MBD5: variants seen among roughly 807,000 people sequenced by gnomAD.
The protein encoded by MBD5 is methyl-CpG-binding domain protein 5.
A neutral mutation model predicts 117.3 loss-of-function variants in MBD5; 13 were observed. That is an observed-to-expected ratio of 0.11 (90% CI 0.07 to 0.18). MBD5 has a LOEUF of 0.18. Among genes scored for constraint, MBD5 ranks in the 10% least tolerant of loss-of-function variants. MBD5 has a pLI of 1.00. For synonymous variants in MBD5, 727 were observed against 766.4 expected, an observed-to-expected ratio of 0.95 and a Z score of 0.85; for missense variants, 1,879 against 2,093.8, an observed-to-expected ratio of 0.90 and a Z score of 2.00.
At chr2:148,085,641 A>G (rs1234412) in intron 1 of MBD5, among the ~76,000 whole-genome samples, 66,240 of 149,282 alleles carry the variant, frequency 0.44, 14,826 homozygotes, top group South Asian at 0.5. Flanking sequence ...GGAGAATGGC[A>G]TGAACCCGGG....
Position 148,490,165 on chromosome 2 carries a change from G to C in MBD5, c.4533G>C (p.Glu1511Asp). The C allele has an allele frequency of 1.2e-6, 2 of 1,614,054 alleles. No individual in the cohort carries two copies. The highest frequency in any genetic ancestry group is 1.7e-6 in the Non-Finnish European group (2 of 1,180,026). ...AAAGAACTATGATGAGTTTTAAGGA[G>C]AGACTAGAGAACACTGTGGAAAGAT... is the stretch of plus-strand genomic sequence containing the variant. Reference protein sequence around the residue: ...NYKRTMMSFKERLENTVERCA... With the variant: ...NYKRTMMSFKDRLENTVERCA... Residue 1511 changes from glutamate (E) to aspartate (D), a missense_variant, in exon 11 of 14, where the codon GAG becomes GAC. By Grantham distance (45) the Glu-to-Asp change is conservative. Transcript: ENST00000642680.
intron 1 of MBD5, among the ~76,000 whole-genome samples, chr2:148,127,658 G>A (rs1036437897): frequency 6.6e-6 from 1 of 152,120 alleles, no homozygotes; most frequent in Non-Finnish European, 1.5e-5. Context: ...TTGATTCCAT[G>A]TCTTTGCTAT....
chr2:148,342,731 A>G (rs1300220383), intron 4 of MBD5, among the ~76,000 whole-genome samples: 1 of 151,810 alleles, frequency 6.6e-6, no homozygotes, highest in Non-Finnish European at 1.5e-5. Context: ...TCTTTTACTT[A>G]GTGGTTTATT....
At chr2:148,481,232 A>G (rs1243452062) in intron 8 of MBD5, among the ~76,000 whole-genome samples, 2 of 152,212 alleles carry the variant, frequency 1.3e-5, no homozygotes, top group Admixed American at 1.3e-4. Context: ...GAGTGGTTCA[A>G]TAAATATAGT....
intron 3 of MBD5, among the ~76,000 whole-genome samples, chr2:148,282,879 C>T (rs1400311659): frequency 2.0e-5 from 3 of 146,658 alleles, no homozygotes; most frequent in Admixed American, 1.4e-4. Flanking sequence ...TCCATATAGA[C>T]TGACTTTTAA....
intron 3 of MBD5, among the ~76,000 whole-genome samples, chr2:148,279,462 G>A (rs1701189078): frequency 6.6e-6 from 1 of 152,132 alleles, no homozygotes; most frequent in East Asian, 1.9e-4. Context: ...AACCATCTGA[G>A]TTTCTCTTTC....
intron 1 of MBD5, among the ~76,000 whole-genome samples, chr2:148,041,878 G>A (rs1223780564): frequency 1.3e-5 from 2 of 152,120 alleles, no homozygotes; most frequent in Non-Finnish European, 2.9e-5. Flanking sequence ...AAACAAATAA[G>A]AAAGTCTTAA....
intron 1 of MBD5, among the ~76,000 whole-genome samples, chr2:148,087,962 T>A (rs906187157): frequency 3.3e-5 from 5 of 150,714 alleles, no homozygotes; most frequent in Non-Finnish European, 5.9e-5. Context: ...AAATAAATTT[T>A]AAAAAAATAC....
intron 1 of MBD5, among the ~76,000 whole-genome samples, chr2:148,124,928 AAAT>A (rs1275692756): frequency 4.0e-5 from 6 of 151,014 alleles, no homozygotes; most frequent in African/African-American, 1.5e-4. Context: ...AAAATATAGT[AAAT>A]AAGTATAAGC....
At chr2:148,267,036 A>T (rs955213100) in intron 3 of MBD5, among the ~76,000 whole-genome samples, 1 of 152,152 alleles carries the variant, frequency 6.6e-6, no homozygotes, top group Non-Finnish European at 1.5e-5. Flanking sequence ...ATCATTGAAG[A>T]TCTTCTAACA....
chr2:148,038,235 G>C (rs1024262086), intron 1 of MBD5, among the ~76,000 whole-genome samples: 1 of 151,892 alleles, frequency 6.6e-6, no homozygotes, highest in African/African-American at 2.4e-5. Flanking sequence ...TATAACAGGA[G>C]GAATCACATT....
At chr2:148,030,851 AAC>A (rs1317742711) in intron 1 of MBD5, among the ~76,000 whole-genome samples, 1 of 152,194 alleles carries the variant, frequency 6.6e-6, no homozygotes, top group African/African-American at 2.4e-5. Flanking sequence ...AGTATTGGCT[AAC>A]AGTCATCATA....
chr2:148,222,494 A>AAGGTAT (rs1274027903), intron 2 of MBD5, among the ~76,000 whole-genome samples: 4 of 151,994 alleles, frequency 2.6e-5, no homozygotes, highest in African/African-American at 9.7e-5. Context: ...CATTAAGTTA[A>AAGGTAT]TTCCTAGGTA....
intron 4 of MBD5, among the ~76,000 whole-genome samples, chr2:148,358,195 A>G (rs1388120141): frequency 6.6e-6 from 1 of 152,162 alleles, no homozygotes; most frequent in African/African-American, 2.4e-5. Flanking sequence ...GAAGTCATTG[A>G]AAGTTTGTAG....
chr2:148,116,629 T>C (rs77072844), intron 1 of MBD5, among the ~76,000 whole-genome samples: 1,879 of 152,318 alleles, frequency 0.012, 45 homozygotes, highest in African/African-American at 0.043. Flanking sequence ...TCTTTAGTAG[T>C]ATAGTTCTGC....
chr2:148,460,684 T>G (rs1707040796), intron 5 of MBD5, among the ~76,000 whole-genome samples: 1 of 152,184 alleles, frequency 6.6e-6, no homozygotes, highest in South Asian at 2.1e-4. Flanking sequence ...ACATTAATTA[T>G]TACTCTGAGA....
Position 148,514,836 on chromosome 2 carries a change from T to G in MBD5, c.*1895T>G, listed in dbSNP as rs929277477. ...TAGGTCTCCTGTGTCTCTCTGTCCCTCTGTTCCTACTTTCAACCTACCCCC... is the reference window on the plus strand; with the variant it reads ...TAGGTCTCCTGTGTCTCTCTGTCCCGCTGTTCCTACTTTCAACCTACCCCC... On this transcript the variant is annotated 3_prime_UTR_variant, in exon 14 of 14. Transcript: ENST00000642680. 1.3e-5 allele frequency: 2 copies of G among 152,326 alleles called. No homozygotes were observed. The highest frequency in any genetic ancestry group is 4.8e-5 in the African/African-American group (2 of 41,458). The allele number at this position is 152,326 out of a possible 1,614,324, so 9.4% of individuals were successfully genotyped here.
intron 8 of MBD5, among the ~76,000 whole-genome samples, chr2:148,478,102 G>A (rs985465684): frequency 3.3e-5 from 5 of 152,002 alleles, no homozygotes; most frequent in African/African-American, 1.2e-4. Context: ...GAAGAGAAAC[G>A]AATCAAAAGA....
At chr2:148,130,804 C>T (rs1045778478) in intron 1 of MBD5, among the ~76,000 whole-genome samples, 4 of 152,188 alleles carry the variant, frequency 2.6e-5, no homozygotes, top group African/African-American at 9.7e-5. Flanking sequence ...CCAGAGTTAA[C>T]AGCAGCAGGA....
Sources: allele counts gnomAD v4.1 joint callset (sites outside exome capture counted in the v4.1 genomes callset), GRCh38; gene constraint gnomAD v4.1.1; transcripts MANE v1.5; gene names NCBI Gene and HGNC (gene_info 2026-07-23, HGNC 2026-07-21).